Variants in C14orf39 observed in about 807,000 individuals in gnomAD.
C14orf39 encodes protein SIX6OS1.
Under a neutral mutation model 85.6 loss-of-function variants are expected in C14orf39, and 66 were observed. That is an observed-to-expected ratio of 0.77 (90% CI 0.63 to 0.95). The LOEUF (loss-of-function observed/expected upper bound fraction) is 0.95. C14orf39 is among the 40% of genes least tolerant of loss of function. C14orf39 has a pLI of 0.00. For synonymous variants in C14orf39, 242 were observed against 214.0 expected (o/e 1.13, Z -1.14); for missense variants, 735 against 663.9 (o/e 1.11, Z -1.18).
intron 1 of C14orf39, among the ~76,000 whole-genome samples, chr14:60,503,753 A>C (rs1282456484): frequency 6.6e-6 from 1 of 152,258 alleles, no homozygotes; most frequent in East Asian, 1.9e-4. Flanking sequence ...CCTAAGTATC[A>C]TTTACAGTAA....
chr14:60,447,478 A>G (rs915725258), intron 16 of C14orf39, among the ~76,000 whole-genome samples: 1 of 152,166 alleles, frequency 6.6e-6, no homozygotes, highest in Non-Finnish European at 1.5e-5. Context: ...CAGAAATACA[A>G]CTTACAAGGC....
intron 16 of C14orf39, among the ~76,000 whole-genome samples, chr14:60,453,491 T>C (rs1362438979): frequency 6.6e-6 from 1 of 151,866 alleles, no homozygotes; most frequent in East Asian, 1.9e-4. Context: ...CTTGCTTTTT[T>C]TTTTTCCATT....
At chr14:60,511,140 A>G in intron 1 of C14orf39, 1 of 1,612,746 alleles carries the variant, frequency 6.2e-7, no homozygotes, top group Non-Finnish European at 8.5e-7. Context: ...GCGGAGGGCG[A>G]CGGCACGCCA....
chr14:60,488,899 G>C (rs1321165637), upstream of C14orf39, among the ~76,000 whole-genome samples: 3 of 151,712 alleles, frequency 2.0e-5, no homozygotes, highest in Non-Finnish European at 2.9e-5. Context: ...TGACTTCCAA[G>C]ACACTACTCT....
chr14:60,492,104 G>A (rs1384395291), intron 2 of C14orf39, among the ~76,000 whole-genome samples: 1 of 146,294 alleles, frequency 6.8e-6, no homozygotes. Flanking sequence ...TAAAATTTCA[G>A]AAGGAAAGGC....
Position 60,455,012 on chromosome 14 carries a change from A to C in C14orf39, c.1492T>G (p.Ser498Ala), listed in dbSNP as rs1430331054. The C allele has an allele frequency of 1.3e-6, 2 of 1,545,816 alleles. No individual in the cohort carries two copies. Among genetic ancestry groups the C allele is most frequent in the African/African-American group, 2.9e-5 (2 of 69,714 alleles). Reference sequence around the variant, plus strand: ...GCTTCTCATATTACCTGATCTGATGAGATTTCTGTATCAAATACAGAAGAA... The same window carrying C: ...GCTTCTCATATTACCTGATCTGATGCGATTTCTGTATCAAATACAGAAGAA... ...FDSSVFDTEI[S>A]SDQFNEHYSA... is the part of the protein sequence containing the mutation. Residue 498 changes from serine (S) to alanine (A), a missense_variant, in exon 16 of 18, where the codon TCA (serine) becomes GCA (alanine). Ser to Ala is a moderately conservative substitution (Grantham distance 99). Coordinates refer to ENST00000321731, the MANE Select transcript of C14orf39 (RefSeq NM_174978.3).
intron 1 of C14orf39, among the ~76,000 whole-genome samples, chr14:60,504,260 A>G (rs954258333): frequency 7.2e-5 from 11 of 152,358 alleles, no homozygotes; most frequent in African/African-American, 2.6e-4. Context: ...AAAGAATTTA[A>G]GGTATTTGTT....
At chr14:60,460,162 A>G (rs1891452862) in intron 13 of C14orf39, among the ~76,000 whole-genome samples, 1 of 151,108 alleles carries the variant, frequency 6.6e-6, no homozygotes. Flanking sequence ...AAAAAATTTT[A>G]AGTTCCAAAA....
At chr14:60,458,029 A>G (rs1483085921) in intron 14 of C14orf39, among the ~76,000 whole-genome samples, 1 of 151,992 alleles carries the variant, frequency 6.6e-6, no homozygotes, top group East Asian at 1.9e-4. Context: ...TTTGGGATAC[A>G]TGTGATAATT....
At chr14:60,451,799 C>T (rs1428663416) in intron 16 of C14orf39, among the ~76,000 whole-genome samples, 3 of 151,938 alleles carry the variant, frequency 2.0e-5, no homozygotes, top group Admixed American at 6.6e-5. Context: ...AACAAACCTG[C>T]ACATTGTGCA....
intron 1 of C14orf39, among the ~76,000 whole-genome samples, chr14:60,504,544 C>G (rs1893181808): frequency 6.6e-6 from 1 of 152,182 alleles, no homozygotes; most frequent in Non-Finnish European, 1.5e-5. Context: ...AATAGAGAAC[C>G]ATGAATTAAT....
intron 1 of C14orf39, among the ~76,000 whole-genome samples, chr14:60,502,925 G>C (rs564342136): frequency 6.6e-6 from 1 of 152,320 alleles, no homozygotes; most frequent in South Asian, 2.1e-4. Context: ...TAACATTTCA[G>C]ACCTAAAGAA....
chr14:60,457,606 T>C (rs1162053710), intron 14 of C14orf39, among the ~76,000 whole-genome samples: 1 of 152,074 alleles, frequency 6.6e-6, no homozygotes, highest in Non-Finnish European at 1.5e-5. Context: ...TTTTGTAGAA[T>C]AGTGATATGA....
In C14orf39 at chr14:60,469,643, T is replaced by C; in HGVS notation, c.565A>G (p.Arg189Gly). ...TKWTLNIVNL[R>G]CETQDILKHA... ...TTAAGAATATCTTGTGTTTCACATCTCAAATTAACACTTTTTATGTTAAGG... is the reference window on the plus strand; with the variant it reads ...TTAAGAATATCTTGTGTTTCACATCCCAAATTAACACTTTTTATGTTAAGG... Residue 189 changes from arginine (R) to glycine (G), a missense_variant, in exon 8 of 18, where the codon AGA becomes GGA. Coordinates refer to ENST00000321731, the MANE Select transcript of C14orf39 (RefSeq NM_174978.3). The C allele has an allele frequency of 1.5e-6, 2 of 1,323,426 alleles. No individual in the cohort carries two copies. Among genetic ancestry groups the C allele is most frequent in the Non-Finnish European group, 2.1e-6 (2 of 968,674 alleles). The allele number at this position is 1,323,426 out of a possible 1,614,324, so 82.0% of individuals were successfully genotyped here.
chr14:60,466,689 T>C (rs1050243407), intron 10 of C14orf39, among the ~76,000 whole-genome samples: 1 of 151,884 alleles, frequency 6.6e-6, no homozygotes, highest in African/African-American at 2.4e-5. Context: ...AGAACACTTT[T>C]TTTGAAATTT....
intron 11 of C14orf39, among the ~76,000 whole-genome samples, chr14:60,462,784 T>C (rs1891590882): frequency 6.6e-6 from 1 of 152,034 alleles, no homozygotes. Context: ...TTTCAAGGTC[T>C]TATTTTATTT....
chr14:60,499,372 G>A (rs879621100), exon 2 of C14orf39: 3 of 152,166 alleles, frequency 2.0e-5, no homozygotes, highest in Admixed American at 1.3e-4. Context: ...CAGAATAGAA[G>A]ATCCAGAATA....
intron 13 of C14orf39, among the ~76,000 whole-genome samples, chr14:60,459,604 T>C (rs984535131): frequency 6.6e-6 from 1 of 151,758 alleles, no homozygotes; most frequent in Non-Finnish European, 1.5e-5. Context: ...TTCCCACCAA[T>C]AGTTTATGGA....
chr14:60,510,218 G>T (rs1043559181), intron 1 of C14orf39, among the ~76,000 whole-genome samples: 1 of 152,122 alleles, frequency 6.6e-6, no homozygotes, highest in Non-Finnish European at 1.5e-5. Flanking sequence ...ACCAAACCAA[G>T]GCTTCACTGG....
Sources: allele counts gnomAD v4.1 joint callset (sites outside exome capture counted in the v4.1 genomes callset), GRCh38; gene constraint gnomAD v4.1.1; transcripts MANE v1.5; gene names NCBI Gene and HGNC (gene_info 2026-07-23, HGNC 2026-07-21).